Variants in DPP10 observed in about 807,000 individuals in gnomAD.
The protein encoded by DPP10 is inactive dipeptidyl peptidase 10.
DPP10 carries 33 observed loss-of-function variants against 120.9 expected under a neutral mutation model. The observed-to-expected ratio is 0.27, with a 90% CI of 0.21 to 0.37. The LOEUF (loss-of-function observed/expected upper bound fraction) is 0.37, where lower values mean the gene tolerates loss of function less well. Among genes scored for constraint, DPP10 ranks in the 10% least tolerant of loss-of-function variants. The pLI is 1.00. For synonymous variants in DPP10, 337 were observed against 326.1 expected (o/e 1.03, Z -0.36); for missense variants, 816 against 942.8 (o/e 0.87, Z 1.76).
rs1476179847 is a variant in DPP10 at position 115,842,263 on chromosome 2, A to G, written c.2309A>G (p.Tyr770Cys). ...TCTGAGAAGAGCAAGTATCATCTCT[A>G]CAGCACAATCCTCAAATTCTTCAGT... ...NVSEKSKYHL[Y>C]STILKFFSDC... The change falls in exon 26 of 26, where the codon TAC becomes TGC. Residue 770 changes from tyrosine to cysteine, a missense_variant. Physicochemically the swap from Tyr to Cys is radical, Grantham distance 194. This residue lies in a region of DPP10 where 592 missense variants were observed against 649.0 expected (regional missense o/e 0.91). Transcript: ENST00000410059. 3 of 1,613,990 alleles carry G rather than the reference A, an allele frequency of 1.9e-6. No individual in the cohort carries two copies.
intron 1 of DPP10, among the ~76,000 whole-genome samples, chr2:115,024,712 A>AT: frequency 6.8e-6 from 1 of 147,780 alleles, no homozygotes; most frequent in Non-Finnish European, 1.5e-5. Context: ...TATATTTGTT[A>AT]AATATATTTG....
intron 1 of DPP10, among the ~76,000 whole-genome samples, chr2:114,917,309 G>T (rs911739775): frequency 6.6e-6 from 1 of 152,124 alleles, no homozygotes; most frequent in Non-Finnish European, 1.5e-5. Context: ...AGTCCTGAAA[G>T]AATTCAGAGA....
rs564555176 is a variant in DPP10, at chr2:115,586,486, A to T, written c.441+60514A>T. Among the ~76,000 whole-genome samples the T allele has an allele frequency of 2.6e-5, 4 of 152,332 alleles. No homozygotes were observed. The South Asian group carries it at 8.3e-4, about 32-fold the overall frequency. ...GAGATGTAGGATTACTGGGTCAAAA[A>T]GCAAATGCATGTACAATTTTGTTGA... On this transcript the variant is annotated intron_variant, in intron 5 of 25. Transcript: ENST00000410059.
At chr2:115,518,160 A>G (rs1352159205) in intron 4 of DPP10, among the ~76,000 whole-genome samples, 1 of 152,160 alleles carries the variant, frequency 6.6e-6, no homozygotes, top group Admixed American at 6.5e-5. Flanking sequence ...CTGTCCCATG[A>G]CCTAAACACC....
At chr2:115,530,993 A>G (rs1446071745) in intron 5 of DPP10, among the ~76,000 whole-genome samples, 2 of 152,102 alleles carry the variant, frequency 1.3e-5, no homozygotes, top group African/African-American at 2.4e-5. Context: ...AAAACAGCTA[A>G]TTATTTAAAC....
intron 19 of DPP10, among the ~76,000 whole-genome samples, chr2:115,810,524 T>A (rs539344160): frequency 6.4e-4 from 97 of 152,296 alleles, no homozygotes; most frequent in Non-Finnish European, 1.2e-3. Context: ...TTTTCTATAT[T>A]TTATTATATT....
At chr2:114,797,407 C>G (rs1683809061) in intron 1 of DPP10, among the ~76,000 whole-genome samples, 1 of 152,138 alleles carries the variant, frequency 6.6e-6, no homozygotes, top group African/African-American at 2.4e-5. Flanking sequence ...TGATCTTGGG[C>G]AAGGTGCTGA....
chr2:114,978,116 T>G (rs1239296107), intron 1 of DPP10, among the ~76,000 whole-genome samples: 1 of 152,108 alleles, frequency 6.6e-6, no homozygotes, highest in Non-Finnish European at 1.5e-5. Context: ...CATGATGAAT[T>G]TAGCAGTTTG....
intron 1 of DPP10, among the ~76,000 whole-genome samples, chr2:114,473,708 A>G (rs1175021575): frequency 6.6e-6 from 1 of 152,232 alleles, no homozygotes; most frequent in Non-Finnish European, 1.5e-5. Flanking sequence ...AATAGATACA[A>G]TGTAACCTTT....
At chr2:115,179,974 C>G (rs914528348) in intron 1 of DPP10, among the ~76,000 whole-genome samples, 3 of 152,086 alleles carry the variant, frequency 2.0e-5, no homozygotes, top group African/African-American at 7.2e-5. Context: ...TTTTTAAAAT[C>G]AAATAACCTC....
At chr2:114,634,853 T>C (rs1366889975) in intron 1 of DPP10, among the ~76,000 whole-genome samples, 1 of 151,888 alleles carries the variant, frequency 6.6e-6, no homozygotes, top group Non-Finnish European at 1.5e-5. Context: ...CTGAAGTATG[T>C]GTTGATCTGA....
chr2:115,309,945 C>G (rs2061513896), intron 2 of DPP10, among the ~76,000 whole-genome samples: 1 of 152,042 alleles, frequency 6.6e-6, no homozygotes, highest in Non-Finnish European at 1.5e-5. Context: ...GAGTTTAATA[C>G]TAATATGGAA....
chr2:114,765,034 C>T (rs1372563252), intron 1 of DPP10, among the ~76,000 whole-genome samples: 2 of 151,996 alleles, frequency 1.3e-5, no homozygotes, highest in East Asian at 1.9e-4. Context: ...AATGATTGGT[C>T]CATATTGGGG....
chr2:114,576,082 A>AC (rs1690026028), intron 1 of DPP10, among the ~76,000 whole-genome samples: 1 of 152,212 alleles, frequency 6.6e-6, no homozygotes, highest in Non-Finnish European at 1.5e-5. Context: ...ACTGCTGGTT[A>AC]CCCCCAATGT....
At chr2:115,162,882 G>C (rs940406394) in intron 1 of DPP10, among the ~76,000 whole-genome samples, 1 of 152,026 alleles carries the variant, frequency 6.6e-6, no homozygotes, top group African/African-American at 2.4e-5. Context: ...TTTTTCCAAA[G>C]TTGGAGGGTC....
chr2:115,088,434 C>A (rs1559079526), intron 1 of DPP10, among the ~76,000 whole-genome samples: 2 of 152,056 alleles, frequency 1.3e-5, no homozygotes, highest in Admixed American at 6.5e-5. Context: ...AACAACTTTT[C>A]TTTTTTTCTT....
intron 1 of DPP10, among the ~76,000 whole-genome samples, chr2:115,154,233 T>G (rs1048610267): frequency 6.6e-6 from 1 of 152,186 alleles, no homozygotes; most frequent in South Asian, 2.1e-4. Flanking sequence ...TGTTTATATA[T>G]TAGGTAAGAA....
intron 1 of DPP10, among the ~76,000 whole-genome samples, chr2:114,578,185 G>T (rs1342746782): frequency 6.6e-6 from 1 of 152,176 alleles, no homozygotes; most frequent in Non-Finnish European, 1.5e-5. Context: ...ACCAGTATCT[G>T]TACAAATGTA....
At chr2:115,268,666 G>T (rs1042674965) in intron 1 of DPP10, among the ~76,000 whole-genome samples, 2 of 152,280 alleles carry the variant, frequency 1.3e-5, no homozygotes, top group Admixed American at 6.5e-5. Context: ...GGCAGTGGGT[G>T]TATCGATTAT....
Sources: gnomAD v4.1 joint callset for allele counts (sites outside exome capture counted in the v4.1 genomes callset) on GRCh38, gnomAD v4.1.1 for gene constraint, gnomAD v4.1.1 regional missense constraint, MANE v1.5 for transcripts, NCBI Gene and HGNC (gene_info 2026-07-23, HGNC 2026-07-21) for gene names.